Variants in WRAP53 observed in about 807,000 individuals in gnomAD.
WRAP53 encodes telomerase Cajal body protein 1.
Under a neutral mutation model 56.6 loss-of-function variants are expected in WRAP53, and 28 were observed. The ratio of observed to expected loss-of-function variants is 0.50; its 90% CI spans 0.37 to 0.68. The LOEUF (loss-of-function observed/expected upper bound fraction) is 0.68, where lower values mean the gene tolerates loss of function less well. Among genes scored for constraint, WRAP53 ranks in the 30% least tolerant of loss-of-function variants. The pLI is 0.00. For synonymous variants in WRAP53, 283 were observed against 283.4 expected (o/e 1.00, Z 0.01); for missense variants, 671 against 715.5 (o/e 0.94, Z 0.71).
intron 4 of WRAP53, among the ~76,000 whole-genome samples, chr17:7,700,205 C>A (rs1223617665): frequency 6.6e-6 from 1 of 151,980 alleles, no homozygotes; most frequent in Non-Finnish European, 1.5e-5. Context: ...TCCACCACCA[C>A]GCCTGGCAAA....
chr17:7,695,846 G>A (rs992196126), intron 4 of WRAP53, among the ~76,000 whole-genome samples: 2 of 152,046 alleles, frequency 1.3e-5, no homozygotes, highest in African/African-American at 4.8e-5. Flanking sequence ...CCCTCCCACT[G>A]CCTCTACTTT....
At chr17:7,698,640 A>G (rs2074217361) in intron 4 of WRAP53, among the ~76,000 whole-genome samples, 2 of 151,886 alleles carry the variant, frequency 1.3e-5, no homozygotes, top group South Asian at 4.2e-4. Context: ...CACTTGGGAG[A>G]CTGAGGTGGG....
rs1178844725 is a variant in WRAP53 at position 7,703,301 on chromosome 17, C to T, written c.1462C>T (p.Pro488Ser). 1 of 1,613,900 alleles carries T rather than the reference C, an allele frequency of 6.2e-7. No individual in the cohort carries two copies. The highest frequency in any genetic ancestry group is 2.2e-5 in the East Asian group (1 of 44,860). ...TASGQRVFPEPTESGDEGEEL... is the reference protein window; with the variant it reads ...TASGQRVFPESTESGDEGEEL... ...CTCCGGTCAGCGTGTGTTTCCTGAGCCCACAGAGAGTGGGGACGAAGGAGA... is the reference window on the plus strand; with the variant it reads ...CTCCGGTCAGCGTGTGTTTCCTGAGTCCACAGAGAGTGGGGACGAAGGAGA... The change falls in exon 11 of 11, where the codon CCC (proline) becomes TCC (serine). Residue 488 changes from proline (P) to serine (S), a missense_variant. Pro to Ser is a moderately conservative substitution (Grantham distance 74, BLOSUM62 -1). Coordinates refer to ENST00000396463, the MANE Select transcript of WRAP53 (RefSeq NM_001143992.2).
chr17:7,692,200 C>T (rs1228512478), intron 4 of WRAP53, among the ~76,000 whole-genome samples: 2 of 151,942 alleles, frequency 1.3e-5, no homozygotes, highest in Non-Finnish European at 2.9e-5. Context: ...AAATCCAGGG[C>T]CAGGCACGGT....
intron 4 of WRAP53, among the ~76,000 whole-genome samples, chr17:7,699,496 ATATATTTATATATATATATATATATT>A (rs1207516275): frequency 0.029 from 356 of 12,156 alleles, 37 homozygotes; most frequent in African/African-American, 0.096. Context: ...ATATATATAT[ATATATTTATATATATATATATATATT>A]TATATATATA....
In WRAP53 at chr17:7,689,056, C is replaced by T; in HGVS notation, c.408C>T (p.Pro136=). Residue 136 remains proline (P), a synonymous_variant, in exon 2 of 11, where the codon CCC becomes CCT. Transcript: ENST00000396463. ...GKAMEDTSGE[P]AAEDEGDTAW... ...CCATGGAAGATACCTCTGGGGAACC[C>T]GCTGCAGAGGACGAGGGAGACACGT... 6.2e-7 allele frequency: 1 copy of T among 1,614,082 alleles called. No homozygotes were observed.
At chr17:7,699,458 TTATATATATATATA>T (rs1165734343) in intron 4 of WRAP53, among the ~76,000 whole-genome samples, 1 of 39,878 alleles carries the variant, frequency 2.5e-5, no homozygotes, top group African/African-American at 1.9e-4. Context: ...ATATATATAT[TTATATATATATATA>T]TATTTATATA....
intron 4 of WRAP53, among the ~76,000 whole-genome samples, chr17:7,692,045 T>C (rs1200175164): frequency 6.6e-6 from 1 of 151,280 alleles, no homozygotes; most frequent in Non-Finnish European, 1.5e-5. Context: ...GTTCATCATA[T>C]TGGCCAGGCT....
chr17:7,699,530 A>ATATATATT (rs2074246995), intron 4 of WRAP53, among the ~76,000 whole-genome samples: 1 of 70,980 alleles, frequency 1.4e-5, no homozygotes, highest in Non-Finnish European at 2.6e-5. Flanking sequence ...ATTTATATAT[A>ATATATATT]TATATATATT....
At chr17:7,691,737 C>A (rs1211929986) in intron 4 of WRAP53, among the ~76,000 whole-genome samples, 2 of 151,726 alleles carry the variant, frequency 1.3e-5, no homozygotes, top group Admixed American at 6.6e-5. Flanking sequence ...GTTGGCCTGG[C>A]TGGTCTCAAA....
upstream of WRAP53, chr17:7,686,117 A>C (rs1266621177): frequency 6.6e-6 from 1 of 152,206 alleles, no homozygotes; most frequent in Non-Finnish European, 1.5e-5. Flanking sequence ...CTCGGGCCGG[A>C]GGGCTGCACG....
Position 7,702,314 on chromosome 17 carries a change from C to A in WRAP53, c.956-30C>A, listed in dbSNP as rs767255046. ...TGGTTAGTGCCAGGAGCCATTGCCC[C>A]CTCCCCCACTTTGTTCCTTCCCTCT... On this transcript the variant is annotated intron_variant, in intron 7 of 10. Transcript: ENST00000396463. The surrounding 1 kb of genome is among the most constrained non-coding windows in gnomAD (Gnocchi z 5.0). 9.9e-6 allele frequency: 16 copies of A among 1,613,220 alleles called. No individual in the cohort carries two copies. In the Admixed American group the frequency reaches 2.3e-4, roughly 24 times the overall value.
At chr17:7,699,502 T>TTA (rs1172959796) in intron 4 of WRAP53, among the ~76,000 whole-genome samples, 860 of 11,686 alleles carry the variant, frequency 0.074, 64 homozygotes, top group South Asian at 0.091. Flanking sequence ...ATATATATAT[T>TTA]TATATATATA....
chr17:7,700,936 C>T, intron 5 of WRAP53, 107 bp downstream of exon 5: 1 of 825,876 alleles, frequency 1.2e-6, no homozygotes, highest in South Asian at 1.4e-5. Context: ...GAAGGCTTGG[C>T]ATGCTTATCA....
chr17:7,700,461 A>C (rs1186764493), intron 4 of WRAP53, among the ~76,000 whole-genome samples: 1 of 151,412 alleles, frequency 6.6e-6, no homozygotes, highest in Non-Finnish European at 1.5e-5. Flanking sequence ...CCTGGCCAAC[A>C]TCATGGTGAA....
At chr17:7,699,476 T>G (rs373077887) in intron 4 of WRAP53, among the ~76,000 whole-genome samples, 4 of 11,400 alleles carry the variant, frequency 3.5e-4, no homozygotes, top group African/African-American at 1.7e-3. Context: ...ATATATATAT[T>G]TATATATATA....
chr17:7,690,256 A>G (rs1042603031), intron 4 of WRAP53, among the ~76,000 whole-genome samples: 5 of 152,142 alleles, frequency 3.3e-5, no homozygotes, highest in African/African-American at 1.2e-4. Context: ...GCTTATAGCT[A>G]TTTATTGATT....
At chr17:7,695,235 G>T (rs1177672395) in intron 4 of WRAP53, among the ~76,000 whole-genome samples, 1 of 152,132 alleles carries the variant, frequency 6.6e-6, no homozygotes, top group Non-Finnish European at 1.5e-5. Context: ...GATTACAGGC[G>T]TGAGCCACTG....
At position 7,688,701 on chromosome 17, in the gene WRAP53, A is replaced by G. The variant is rs772549847; in HGVS notation, c.53A>G (p.Gln18Arg). ...GCTCCGGACTGCTGTCCTTCAGACCAGGACCCAGCTCCAGCCCATCCTTCT... is the reference window on the plus strand; with the variant it reads ...GCTCCGGACTGCTGTCCTTCAGACCGGGACCCAGCTCCAGCCCATCCTTCT... ...PLAPDCCPSD[Q>R]DPAPAHPSPH... Residue 18 changes from glutamine (Q) to arginine (R), a missense_variant, in exon 2 of 11, where the codon CAG (glutamine) becomes CGG (arginine). This residue lies in a region of WRAP53 where 406 missense variants were observed against 418.5 expected (regional missense o/e 0.97). Transcript: ENST00000396463. 2 of 1,614,184 alleles carry G rather than the reference A, an allele frequency of 1.2e-6. No individual in the cohort carries two copies. Among genetic ancestry groups the G allele is most frequent in the South Asian group, 2.2e-5 (2 of 91,080 alleles).
Sources: allele counts gnomAD v4.1 joint callset (sites outside exome capture counted in the v4.1 genomes callset), GRCh38; gene constraint gnomAD v4.1.1; regional missense constraint gnomAD v4.1.1; non-coding constraint Gnocchi (gnomAD v3.1); transcripts MANE v1.5; gene names NCBI Gene and HGNC (gene_info 2026-07-23, HGNC 2026-07-21).